ZNF266: variants seen among roughly 807,000 people sequenced by gnomAD.
ZNF266 encodes zinc finger protein 266, also known as zinc finger protein 1.
In ZNF266, 16 loss-of-function variants were observed where a neutral mutation model predicts 16.4. The ratio of observed to expected loss-of-function variants is 0.98; its 90% CI spans 0.66 to 1.48. The LOEUF is 1.48. Among genes scored for constraint, ZNF266 ranks in the 40% most tolerant of loss-of-function variants. ZNF266 has a pLI of 0.00. For synonymous variants in ZNF266, 262 were observed against 237.9 expected (o/e 1.10, Z -0.93); for missense variants, 738 against 689.1 (o/e 1.07, Z -0.79).
chr19:9,425,780 C>A (rs1352191927), intron 5 of ZNF266, among the ~76,000 whole-genome samples: 4 of 152,140 alleles, frequency 2.6e-5, no homozygotes, highest in African/African-American at 7.2e-5. Context: ...CTTAAGAGGG[C>A]AAGAGGGGCA....
At chr19:9,421,388 GTTATT>G (rs1356958124) in intron 5 of ZNF266, among the ~76,000 whole-genome samples, 1 of 152,204 alleles carries the variant, frequency 6.6e-6, no homozygotes, top group Non-Finnish European at 1.5e-5. Context: ...AACCAATTAT[GTTATT>G]TTAAACTTGA....
At chr19:9,426,776 C>T (rs1296586234) in intron 5 of ZNF266, among the ~76,000 whole-genome samples, 4 of 152,120 alleles carry the variant, frequency 2.6e-5, no homozygotes, top group Non-Finnish European at 4.4e-5. Flanking sequence ...GGGGATCCCA[C>T]TAAATTCAAA....
At chr19:9,432,555 T>C (rs538029634) in intron 5 of ZNF266, among the ~76,000 whole-genome samples, 4 of 152,236 alleles carry the variant, frequency 2.6e-5, no homozygotes, top group South Asian at 2.1e-4. Flanking sequence ...CGAAATGACA[T>C]ACAACAAAGC....
At chr19:9,427,785 C>T (rs75727303) in intron 5 of ZNF266, among the ~76,000 whole-genome samples, 7,041 of 152,208 alleles carry the variant, frequency 0.046, 217 homozygotes, top group Non-Finnish European at 0.072. Flanking sequence ...CCACCTTCTC[C>T]AGGAACACAG....
chr19:9,415,668 T>C lies in ZNF266; in HGVS notation c.391A>G (p.Ser131Gly). The C allele has an allele frequency of 1.2e-6, 2 of 1,612,198 alleles. No homozygotes were observed. Among genetic ancestry groups the C allele is most frequent in the Non-Finnish European group, 1.7e-6 (2 of 1,178,606 alleles). The change falls in exon 10 of 11, where the codon AGT (serine) becomes GGT (glycine). Residue 131 changes from serine (S) to glycine (G), a missense_variant. By Grantham distance (56) the Ser-to-Gly change is moderately conservative. Coordinates refer to ENST00000592904, the MANE Select transcript of ZNF266 (RefSeq NM_001370374.1). Reference sequence around the variant, plus strand: ...GTTAATCTTACCATTTGAATCCCACTGGAGGTTGGCTCCCCCAAAACATCC... The same window carrying C: ...GTTAATCTTACCATTTGAATCCCACCGGAGGTTGGCTCCCCCAAAACATCC... The part of the protein sequence containing the change: ...QQDVLGEPTS[S>G]GIQMIGSHNG...
intron 5 of ZNF266, among the ~76,000 whole-genome samples, chr19:9,432,034 C>G (rs555225563): frequency 6.6e-6 from 1 of 152,342 alleles, no homozygotes; most frequent in Non-Finnish European, 1.5e-5. Flanking sequence ...CAGCTCACTG[C>G]AGCCTTCACC....
At chr19:9,416,365 GTTTT>G (rs746930588) in intron 9 of ZNF266, among the ~76,000 whole-genome samples, 2 of 93,776 alleles carry the variant, frequency 2.1e-5, no homozygotes, top group African/African-American at 9.8e-5. Flanking sequence ...TTTGTTTTTT[GTTTT>G]TTTTTTTTTT....
rs761714761 is a variant in ZNF266 at position 9,414,399 on chromosome 19, T to C, written c.727A>G (p.Arg243Gly). 9.9e-6 allele frequency: 16 copies of C among 1,614,082 alleles called. No individual in the cohort carries two copies. The highest frequency in any genetic ancestry group is 1.3e-5 in the African/African-American group (1 of 74,922). The change falls in exon 11 of 11, where the codon AGA becomes GGA. Residue 243 changes from arginine to glycine, a missense_variant. By Grantham distance (125) the Arg-to-Gly change is moderately radical (BLOSUM62 -2). Transcript: ENST00000592904. Reference protein sequence around the residue: ...INHSHLQGHLRTHNGESLHEW... With the variant: ...INHSHLQGHLGTHNGESLHEW... ...TGGAGACTTTCTCCATTGTGAGTTCTTAAATGTCCCTGAAGGTGTGAATGA... is the reference window on the plus strand; with the variant it reads ...TGGAGACTTTCTCCATTGTGAGTTCCTAAATGTCCCTGAAGGTGTGAATGA...
chr19:9,425,699 A>G (rs1480169327), intron 5 of ZNF266, among the ~76,000 whole-genome samples: 6 of 152,156 alleles, frequency 3.9e-5, no homozygotes, highest in Non-Finnish European at 7.4e-5. Flanking sequence ...AAGCACTGCC[A>G]ATACTCCCAT....
At chr19:9,417,672 T>C (rs1438729163) in intron 9 of ZNF266, among the ~76,000 whole-genome samples, 156 bp downstream of exon 9, 10 of 151,540 alleles carry the variant, frequency 6.6e-5, no homozygotes, top group Admixed American at 5.9e-4. Context: ...CGCTTGCACC[T>C]GCGAGGCGGA....
At chr19:9,429,106 A>G (rs763308981) in intron 5 of ZNF266, among the ~76,000 whole-genome samples, 14 of 152,230 alleles carry the variant, frequency 9.2e-5, no homozygotes, top group Non-Finnish European at 1.9e-4. Context: ...CATTTCCCTA[A>G]TAGGTCTCAG....
chr19:9,428,168 C>T (rs1323181512), intron 5 of ZNF266, among the ~76,000 whole-genome samples: 4 of 152,140 alleles, frequency 2.6e-5, no homozygotes, highest in Non-Finnish European at 5.9e-5. Flanking sequence ...ATCTACTGGG[C>T]TCTCCTGGAA....
intron 9 of ZNF266, among the ~76,000 whole-genome samples, chr19:9,417,471 G>A (rs973409440): frequency 6.6e-6 from 1 of 152,236 alleles, no homozygotes. Context: ...GCTCACGCCT[G>A]TAATCCCAGC....
chr19:9,415,703 G>A lies in ZNF266; in HGVS notation c.356C>T (p.Ala119Val). 1 of 1,613,292 alleles carries A rather than the reference G, an allele frequency of 6.2e-7. No homozygotes were observed. The highest frequency in any genetic ancestry group is 1.7e-5 in the Admixed American group (1 of 59,996). ...CTCCCCCAAAACATCCTGCTGAAGG[G>A]CTAACTCTTTGGTTTTAAGTTGCAC... is the stretch of plus-strand genomic sequence containing the variant. ...WKVQLKTKEL[A>V]LQQDVLGEPT... Residue 119 changes from alanine to valine, a missense_variant, in exon 10 of 11, where the codon GCC becomes GTC. Coordinates refer to ENST00000592904, the MANE Select transcript of ZNF266 (RefSeq NM_001370374.1).
intron 5 of ZNF266, among the ~76,000 whole-genome samples, chr19:9,424,632 T>A (rs1461966847): frequency 6.6e-6 from 1 of 152,260 alleles, no homozygotes; most frequent in African/African-American, 2.4e-5. Context: ...TATGTGTGTT[T>A]ATATCCATGT....
At chr19:9,430,042 T>G (rs1422374637) in intron 5 of ZNF266, among the ~76,000 whole-genome samples, 2 of 108,466 alleles carry the variant, frequency 1.8e-5, no homozygotes, top group Non-Finnish European at 3.3e-5. Flanking sequence ...GAATACTAAC[T>G]GCCTGTTTTT....
intron 2 of ZNF266, 120 bp from the exon 3 acceptor site, chr19:9,434,979 A>C (rs751625819): frequency 2.0e-5 from 3 of 152,218 alleles, no homozygotes; most frequent in Non-Finnish European, 4.4e-5. Flanking sequence ...ATACCTAAAA[A>C]ATAGCTTTAT....
intron 5 of ZNF266, among the ~76,000 whole-genome samples, chr19:9,431,618 T>C (rs2123473399): frequency 6.6e-6 from 1 of 152,272 alleles, no homozygotes; most frequent in East Asian, 1.9e-4. Flanking sequence ...CACGAACCAG[T>C]CCAAGCCTCA....
intron 9 of ZNF266, among the ~76,000 whole-genome samples, chr19:9,417,302 G>A (rs557810389): frequency 3.3e-4 from 50 of 152,224 alleles, no homozygotes; most frequent in Non-Finnish European, 6.5e-4. Context: ...AACCCGGGAG[G>A]CTGAAGTTGC....
Sources: allele counts gnomAD v4.1 joint callset (sites outside exome capture counted in the v4.1 genomes callset), GRCh38; gene constraint gnomAD v4.1.1; transcripts MANE v1.5; gene names NCBI Gene and HGNC (gene_info 2026-07-23, HGNC 2026-07-21).